DMD: variants seen among roughly 807,000 people sequenced by gnomAD.
DMD encodes the protein mutant dystrophin.
DMD carries 63 observed loss-of-function variants against 330.1 expected under a neutral mutation model. The observed-to-expected ratio is 0.19, with a 90% CI of 0.16 to 0.24. The LOEUF (loss-of-function observed/expected upper bound fraction) is 0.24. Ranked by LOEUF, DMD falls within the 10% of genes least tolerant of loss-of-function variation. The probability of loss-of-function intolerance (pLI) is 1.00; values close to 1 mark genes in which losing one functional copy is unlikely to be tolerated. For missense variants in DMD, 3,344 were observed against 2,684.1 expected (o/e 1.25, Z -5.43); for synonymous variants, 1,223 against 959.8 (o/e 1.27, Z -5.07).
intron 1 of DMD, among the ~76,000 whole-genome samples, chrX:33,338,028 T>G (rs2054279451): frequency 8.9e-6 from 1 of 112,318 alleles, no homozygotes; most frequent in African/African-American, 3.2e-5. Context: ...CGAAAGATTC[T>G]GTATTACATA....
chrX:33,212,807 G>A (rs753079600), upstream of DMD, among the ~76,000 whole-genome samples: 39 of 111,494 alleles, frequency 3.5e-4, no homozygotes, highest in African/African-American at 1.2e-3. Context: ...TTTCCTCTCA[G>A]TGTGGTTGTC....
At chrX:31,458,647 C>A (rs772352245) in intron 59 of DMD, among the ~76,000 whole-genome samples, 4 of 109,771 alleles carry the variant, frequency 3.6e-5, no homozygotes, top group Non-Finnish European at 5.7e-5. Context: ...TGATTTAGTG[C>A]CCTCAAAAAT....
intron 17 of DMD, among the ~76,000 whole-genome samples, chrX:32,521,857 A>G (rs756887412): frequency 1.4e-4 from 16 of 111,876 alleles, no homozygotes; most frequent in African/African-American, 4.5e-4. Flanking sequence ...ATATTAAAAG[A>G]TGGGGCATTT....
intron 1 of DMD, among the ~76,000 whole-genome samples, chrX:33,210,766 C>A (rs1427742326): frequency 9.0e-6 from 1 of 111,504 alleles, no homozygotes; most frequent in Non-Finnish European, 1.9e-5. Flanking sequence ...CTTCAATTAT[C>A]CGTCCCAACT....
intron 28 of DMD, among the ~76,000 whole-genome samples, 158 bp from the exon 29 acceptor site, chrX:32,438,548 C>T (rs758554688): frequency 4.5e-5 from 5 of 111,779 alleles, no homozygotes; most frequent in African/African-American, 1.6e-4. Flanking sequence ...AGCATTTTTG[C>T]TTCAAAAAAT....
rs200438309 is a variant in DMD at position 32,759,851 on chromosome X, GGGGGGGGGC to G, written c.649+49633_649+49641del. Among the ~76,000 whole-genome samples the G allele has an allele frequency of 4.1e-3, 257 of 62,124 alleles. 13 individuals are homozygous for G. The highest frequency in any genetic ancestry group is 0.019 in the African/African-American group (246 of 13,221). 53.9% of individuals were successfully genotyped at this position (62,124 alleles called of 115,157 possible). A position where few individuals can be genotyped will look rare whatever the true frequency, so the allele number is the denominator to read the frequency against. On this transcript the variant is annotated intron_variant, in intron 7 of 78. Coordinates refer to ENST00000357033, the MANE Select transcript of DMD (RefSeq NM_004006.3). ...CAGATGCAGGTTTTTCTTGGGGGGG[GGGGGGGGGC>G]GGGGGAAGACCCAGGCAGGCCCATG... is the stretch of plus-strand genomic sequence containing the variant.
At chrX:32,870,682 CCCTATTTAATA>C (rs2082881451) in intron 2 of DMD, among the ~76,000 whole-genome samples, 1 of 110,564 alleles carries the variant, frequency 9.0e-6, no homozygotes, top group Non-Finnish European at 1.9e-5. Context: ...GGAAAGGATT[CCCTATTTAATA>C]AATGGTGCTG....
chrX:31,725,390 G>A (rs1904318303), intron 52 of DMD, among the ~76,000 whole-genome samples: 1 of 111,076 alleles, frequency 9.0e-6, no homozygotes, highest in Non-Finnish European at 1.9e-5. Flanking sequence ...CTTTTGGGGT[G>A]GTGGTGGGGG....
chrX:32,667,369 CAA>C (rs1290404485), intron 9 of DMD, among the ~76,000 whole-genome samples: 2 of 111,055 alleles, frequency 1.8e-5, no homozygotes, highest in African/African-American at 3.3e-5. Context: ...TTATATTGAA[CAA>C]AAAAAAGTTT....
intron 48 of DMD, among the ~76,000 whole-genome samples, chrX:31,841,094 CT>C (rs2093310520): frequency 9.0e-6 from 1 of 111,595 alleles, no homozygotes; most frequent in African/African-American, 3.3e-5. Context: ...AGGAAAAATT[CT>C]TGAAGAAAAT....
chrX:32,421,044 G>C (rs1281395375), intron 29 of DMD, among the ~76,000 whole-genome samples: 1 of 111,647 alleles, frequency 9.0e-6, no homozygotes, highest in Non-Finnish European at 1.9e-5. Context: ...TGAGCAACTG[G>C]AAAAATGCTC....
chrX:33,228,251 T>G (rs1264306241), intron 1 of DMD, among the ~76,000 whole-genome samples: 1 of 103,903 alleles, frequency 9.6e-6, no homozygotes, highest in East Asian at 3.0e-4. Context: ...TGAACCCAAG[T>G]TTAATATGTT....
chrX:31,769,676 TCC>T (rs2090220357), intron 51 of DMD, among the ~76,000 whole-genome samples: 1 of 112,237 alleles, frequency 8.9e-6, no homozygotes, highest in Admixed American at 9.5e-5. Context: ...TTCAAAGCCA[TCC>T]TGGGACGCAT....
intron 54 of DMD, among the ~76,000 whole-genome samples, chrX:31,652,272 A>G (rs1421438296): frequency 9.2e-6 from 1 of 108,561 alleles, no homozygotes; most frequent in Non-Finnish European, 1.9e-5. Flanking sequence ...CTCCTCTTCC[A>G]CCTCCCTCTC....
intron 18 of DMD, among the ~76,000 whole-genome samples, chrX:32,509,189 TAAAAA>T (rs76536849): frequency 0.16 from 14,206 of 86,201 alleles, 906 homozygotes; most frequent in South Asian, 0.21. Flanking sequence ...TAAAAAGTGT[TAAAAA>T]AAAAAAAAAA....
chrX:31,984,549 G>T (rs1482810523), intron 44 of DMD, among the ~76,000 whole-genome samples: 5 of 111,962 alleles, frequency 4.5e-5, no homozygotes, highest in Admixed American at 9.4e-5. Flanking sequence ...CTTGTTTGTT[G>T]TCCAAACAAA....
At chrX:33,297,019 C>T (rs189267009) in intron 1 of DMD, among the ~76,000 whole-genome samples, 1 of 111,177 alleles carries the variant, frequency 9.0e-6, no homozygotes, top group Non-Finnish European at 1.9e-5. Context: ...TTTTAGATAA[C>T]TTACGCTGTA....
chrX:31,993,175 T>A lies in DMD; in HGVS notation c.6439-24661A>T, dbSNP rs964875991. Among the ~76,000 whole-genome samples, 31 of 111,390 alleles carry A rather than the reference T, an allele frequency of 2.8e-4. No homozygotes were observed. In the Admixed American group the frequency reaches 2.9e-3, roughly 10 times the overall value. On this transcript the variant is annotated intron_variant, in intron 44 of 78. Transcript: ENST00000357033. ...TGGGGAATATAGGTAATTAAATGTG[T>A]CGTAGAGGTAGAAAGAAGACCCTGG... is the stretch of plus-strand genomic sequence containing the variant.
rs772271076 is a variant in DMD, at chrX:33,305,996, A to G, written c.7+33263T>C. Among the ~76,000 whole-genome samples, 4 of 112,173 alleles carry G rather than the reference A, an allele frequency of 3.6e-5. No homozygotes were observed. The South Asian group carries it at 1.5e-3, about 42-fold the overall frequency. On this transcript the variant is annotated intron_variant, in intron 1 of 17. Transcript: ENST00000288447. Reference sequence around the variant, plus strand: ...GACAGAGAGTAGCTCCTTTTGGACTATAATACAAACACATTTTCTAAGAAC... The same window carrying G: ...GACAGAGAGTAGCTCCTTTTGGACTGTAATACAAACACATTTTCTAAGAAC...
Sources: gnomAD v4.1 joint callset for allele counts (sites outside exome capture counted in the v4.1 genomes callset) on GRCh38, gnomAD v4.1.1 for gene constraint, MANE v1.5 for transcripts, NCBI Gene and HGNC (gene_info 2026-07-23, HGNC 2026-07-21) for gene names.